Variants in GPBP1L1 observed in about 807,000 individuals in gnomAD.
The protein encoded by GPBP1L1 is vasculin-like protein 1.
A neutral mutation model predicts 52.5 loss-of-function variants in GPBP1L1; 23 were observed. The observed-to-expected ratio is 0.44, with a 90% CI of 0.32 to 0.62. GPBP1L1 has a LOEUF of 0.62. GPBP1L1 is among the 20% of genes least tolerant of loss of function. The pLI is 0.06. For missense variants in GPBP1L1, 596 were observed against 579.3 expected (o/e 1.03, Z -0.30); for synonymous variants, 243 against 203.1 (o/e 1.20, Z -1.67).
chr1:45,667,666 C>A (rs978216670), intron 2 of GPBP1L1, among the ~76,000 whole-genome samples: 1 of 152,134 alleles, frequency 6.6e-6, no homozygotes, highest in African/African-American at 2.4e-5. Context: ...GTCCACTTAA[C>A]AAAAAACTGT....
At chr1:45,683,246 C>T (rs1645234036) in intron 2 of GPBP1L1, among the ~76,000 whole-genome samples, 1 of 119,712 alleles carries the variant, frequency 8.4e-6, no homozygotes, top group Non-Finnish European at 1.6e-5. Flanking sequence ...GGGAGTCTCG[C>T]TCTGTCCCCA....
At chr1:45,662,197 G>T (rs905008992) in intron 2 of GPBP1L1, among the ~76,000 whole-genome samples, 1 of 152,124 alleles carries the variant, frequency 6.6e-6, no homozygotes, top group Non-Finnish European at 1.5e-5. Context: ...TGACTTGATC[G>T]TAGCTCGCTG....
chr1:45,643,835 A>T (rs544438887), intron 6 of GPBP1L1, among the ~76,000 whole-genome samples: 4 of 151,768 alleles, frequency 2.6e-5, no homozygotes, highest in Non-Finnish European at 4.4e-5. Flanking sequence ...ACACCCAGCT[A>T]ATTTTTGTAT....
intron 2 of GPBP1L1, among the ~76,000 whole-genome samples, chr1:45,685,300 C>T (rs1242801607): frequency 1.3e-5 from 2 of 152,180 alleles, no homozygotes; most frequent in Non-Finnish European, 2.9e-5. Flanking sequence ...CTACCAATCA[C>T]TTTACTTTTG....
At chr1:45,633,434 G>C in intron 10 of GPBP1L1, 55 bp downstream of exon 10, 1 of 1,566,028 alleles carries the variant, frequency 6.4e-7, no homozygotes, top group Non-Finnish European at 8.8e-7. Flanking sequence ...AAGAAATCAC[G>C]TATGTATCAA....
chr1:45,648,169 G>C (rs1257838892), intron 6 of GPBP1L1, among the ~76,000 whole-genome samples: 2 of 152,016 alleles, frequency 1.3e-5, no homozygotes, highest in African/African-American at 4.8e-5. Flanking sequence ...CAAACTCCTG[G>C]ACTCAAGCAA....
At chr1:45,658,800 G>A in intron 4 of GPBP1L1, 1 of 486,702 alleles carries the variant, frequency 2.1e-6, no homozygotes. Flanking sequence ...AATTAGCAGG[G>A]CGTGGTGGTA....
At chr1:45,642,648 TAACA>T (rs1644688767) in intron 6 of GPBP1L1, 149 bp from the exon 7 acceptor site, 2 of 646,708 alleles carry the variant, frequency 3.1e-6, no homozygotes, top group East Asian at 2.6e-5. Flanking sequence ...TTCAGAAACG[TAACA>T]AACAGAAAAT....
At chr1:45,664,599 C>G (rs1427835552) in intron 2 of GPBP1L1, among the ~76,000 whole-genome samples, 2 of 151,906 alleles carry the variant, frequency 1.3e-5, no homozygotes, top group African/African-American at 4.8e-5. Context: ...AAAATTATTC[C>G]ATAGAGATGG....
intron 6 of GPBP1L1, among the ~76,000 whole-genome samples, chr1:45,649,177 T>A (rs1644790100): frequency 1.3e-5 from 2 of 152,204 alleles, no homozygotes; most frequent in South Asian, 4.1e-4. Context: ...CACATTTGCT[T>A]CCCCATTCTT....
chr1:45,651,486 T>A, intron 6 of GPBP1L1: 1 of 468,648 alleles, frequency 2.1e-6, no homozygotes, highest in African/African-American at 2.0e-5. Context: ...CCTGGGCCAA[T>A]AGCCTCTGCT....
rs746676533 is a variant in GPBP1L1, at chr1:45,634,138, T to C, written c.843A>G (p.Pro281=). 59 of 1,613,948 alleles carry C rather than the reference T, an allele frequency of 3.7e-5. No homozygotes were observed. In the Admixed American group the frequency reaches 9.8e-4, roughly 27 times the overall value. ...GAGCTGCACCACTAGCCAGTACCACTGGTTTGGTAACAGAGATTGGACTGG... is the reference window on the plus strand; with the variant it reads ...GAGCTGCACCACTAGCCAGTACCACCGGTTTGGTAACAGAGATTGGACTGG... The part of the protein sequence containing the change: ...AFTSPISVTK[P]VVLASGAALS... The change falls in exon 9 of 13, where the codon CCA becomes CCG. Residue 281 remains proline (P), a synonymous_variant. Transcript: ENST00000355105.
At chr1:45,659,696 C>A (rs1644925904) in intron 3 of GPBP1L1, among the ~76,000 whole-genome samples, 2 of 152,200 alleles carry the variant, frequency 1.3e-5, no homozygotes, top group Admixed American at 6.5e-5. Flanking sequence ...GTAATCCCAG[C>A]ACCTTGGGAG....
intron 10 of GPBP1L1, among the ~76,000 whole-genome samples, 188 bp downstream of exon 10, chr1:45,633,301 T>C (rs1269646493): frequency 6.6e-6 from 1 of 152,206 alleles, no homozygotes; most frequent in African/African-American, 2.4e-5. Flanking sequence ...TAAACCCGAA[T>C]TTAACATTTT....
intron 6 of GPBP1L1, among the ~76,000 whole-genome samples, chr1:45,653,701 T>C (rs12022673): frequency 0.28 from 41,724 of 147,792 alleles, 6,009 homozygotes; most frequent in South Asian, 0.36. Context: ...ATCTTTTTTT[T>C]CTTTTTTTTT....
intron 12 of GPBP1L1, 53 bp from the exon 13 acceptor site, chr1:45,628,461 C>T: frequency 6.4e-7 from 1 of 1,565,284 alleles, no homozygotes; most frequent in Non-Finnish European, 8.7e-7. Flanking sequence ...AATGACTGTA[C>T]TGACCCATAA....
chr1:45,630,914 T>TG (rs1371698805), intron 10 of GPBP1L1, among the ~76,000 whole-genome samples: 6 of 152,096 alleles, frequency 3.9e-5, no homozygotes, highest in African/African-American at 1.2e-4. Flanking sequence ...ATGGTAACAG[T>TG]GCTCATAAGA....
Position 45,660,587 on chromosome 1 carries a change from G to A in GPBP1L1, c.-459C>T. 1.0e-6 allele frequency: 1 copy of A among 983,598 alleles called. No homozygotes were observed. Among genetic ancestry groups the A allele is most frequent in the Non-Finnish European group, 1.2e-6 (1 of 828,344 alleles). 60.9% of individuals were successfully genotyped at this position (983,598 alleles called of 1,614,324 possible). Reference sequence around the variant, plus strand: ...GAGTGCAAATACTGTTCATAACAAGGTCATAGCTAGAAAGACAGATGGGCT... The same window carrying A: ...GAGTGCAAATACTGTTCATAACAAGATCATAGCTAGAAAGACAGATGGGCT... On this transcript the variant is annotated 5_prime_UTR_variant, in exon 3 of 13. Transcript: ENST00000355105.
intron 6 of GPBP1L1, among the ~76,000 whole-genome samples, chr1:45,645,013 C>A (rs1421548757): frequency 3.9e-5 from 6 of 152,138 alleles, no homozygotes; most frequent in Admixed American, 3.9e-4. Flanking sequence ...ATTCAACCCT[C>A]GTCGTTATTA....
Sources: gnomAD v4.1 joint callset for allele counts (sites outside exome capture counted in the v4.1 genomes callset) on GRCh38, gnomAD v4.1.1 for gene constraint, MANE v1.5 for transcripts, NCBI Gene and HGNC (gene_info 2026-07-23, HGNC 2026-07-21) for gene names.